The following RBM41 variants were observed in gnomAD, a reference collection of about 807,000 sequenced individuals.
RBM41 encodes RNA-binding protein 41.
In RBM41, 14 loss-of-function variants were observed where a neutral mutation model predicts 30.8. The ratio of observed to expected loss-of-function variants is 0.45; its 90% CI spans 0.30 to 0.71. The LOEUF (loss-of-function observed/expected upper bound fraction) is 0.71, where lower values mean the gene tolerates loss of function less well. Among genes scored for constraint, RBM41 ranks in the 30% least tolerant of loss-of-function variants. The pLI is 0.08. For synonymous variants in RBM41, 120 were observed against 110.1 expected (o/e 1.09, Z -0.56); for missense variants, 276 against 326.3 (o/e 0.85, Z 1.19).
intron 6 of RBM41, among the ~76,000 whole-genome samples, chrX:107,076,740 A>T (rs1436602619): frequency 9.0e-6 from 1 of 111,549 alleles, no homozygotes; most frequent in Non-Finnish European, 1.9e-5. Context: ...AAAAAAATGG[A>T]GGAGGAAAAA....
chrX:107,099,694 C>CGT (rs1164419926), intron 5 of RBM41, among the ~76,000 whole-genome samples: 3 of 96,843 alleles, frequency 3.1e-5, no homozygotes. Context: ...GAAAGGTACA[C>CGT]ACACACACAC....
intron 5 of RBM41, among the ~76,000 whole-genome samples, chrX:107,103,249 T>C (rs982174992): frequency 2.7e-5 from 3 of 111,185 alleles, no homozygotes; most frequent in Admixed American, 9.6e-5. Flanking sequence ...TATTTGGAAA[T>C]AGGGTCTTTG....
At chrX:107,106,003 A>C (rs1397704192) in intron 5 of RBM41, among the ~76,000 whole-genome samples, 24 of 111,700 alleles carry the variant, frequency 2.1e-4, no homozygotes, top group East Asian at 1.7e-3. Context: ...GCAACAAAAG[A>C]CAAAATTGAC....
intron 5 of RBM41, among the ~76,000 whole-genome samples, chrX:107,103,519 T>C: frequency 9.0e-6 from 1 of 111,021 alleles, no homozygotes. Flanking sequence ...ACACCTTTGA[T>C]TTTAGACTTC....
At chrX:107,080,587 GAAACAAAACAAAACAAAACA>G (rs200816405) in intron 6 of RBM41, among the ~76,000 whole-genome samples, 2 of 106,162 alleles carry the variant, frequency 1.9e-5, no homozygotes, top group African/African-American at 7.1e-5. Context: ...CTCAAAACAC[GAAACAAAACAAAACAAAACA>G]AAACAAAACA....
At chrX:107,087,806 G>C (rs1445665764) in intron 6 of RBM41, among the ~76,000 whole-genome samples, 1 of 111,877 alleles carries the variant, frequency 8.9e-6, no homozygotes, top group Non-Finnish European at 1.9e-5. Context: ...GTTTTACCAT[G>C]TTGGTCAGGC....
chrX:107,083,608 A>C (rs1921745741), intron 6 of RBM41, among the ~76,000 whole-genome samples: 1 of 108,229 alleles, frequency 9.2e-6, no homozygotes, highest in Non-Finnish European at 1.9e-5. Context: ...TTTCCTTTGT[A>C]TTTCAGCATG....
chrX:107,056,796 ATCT>A, the RBM41 span, among the ~76,000 whole-genome samples: 1 of 104,925 alleles, frequency 9.5e-6, no homozygotes, highest in Admixed American at 1.0e-4. Flanking sequence ...AATTTTGGTG[ATCT>A]TCTCAAATAA....
At chrX:107,061,436 C>G (rs1007803578), downstream of RBM41, among the ~76,000 whole-genome samples, 2 of 111,760 alleles carry the variant, frequency 1.8e-5, no homozygotes, top group South Asian at 7.3e-4. Context: ...TTTATATTTT[C>G]TTTTCAACAA....
intron 6 of RBM41, among the ~76,000 whole-genome samples, chrX:107,072,725 T>A (rs1178422995): frequency 8.9e-6 from 1 of 111,804 alleles, no homozygotes; most frequent in Admixed American, 9.5e-5. Context: ...GGAACTGCAC[T>A]ACCAGACTTC....
intron 6 of RBM41, among the ~76,000 whole-genome samples, chrX:107,086,611 C>A (rs952826705): frequency 8.9e-6 from 1 of 111,816 alleles, no homozygotes; most frequent in African/African-American, 3.2e-5. Flanking sequence ...ACAGTAATTA[C>A]CCTAACATAC....
chrX:107,055,735 G>A, the RBM41 span, among the ~76,000 whole-genome samples: 1 of 112,198 alleles, frequency 8.9e-6, no homozygotes, highest in African/African-American at 3.2e-5. Flanking sequence ...CATGTATGAG[G>A]GTTTGAATTC....
chrX:107,097,333 T>A (rs1433951743), intron 5 of RBM41, among the ~76,000 whole-genome samples: 1 of 111,966 alleles, frequency 8.9e-6, no homozygotes, highest in East Asian at 2.8e-4. Flanking sequence ...GTATATCTAT[T>A]GACATGGTTT....
At position 107,107,019 on chromosome X, in the gene RBM41, T is replaced by TA. The variant is rs1216955222; in HGVS notation, c.595+6377dup. ...ATGTACCCTAAAACTTAAAGTATAA[T>TA]AAAAAAAGAGGAAAATCTAAATGTA... On this transcript the variant is annotated intron_variant, in intron 5 of 7. Coordinates refer to ENST00000685964, the MANE Select transcript of RBM41 (RefSeq NM_001324242.2). Among the ~76,000 whole-genome samples the TA allele has an allele frequency of 5.4e-5, 6 of 111,332 alleles. No homozygotes were observed. The South Asian group carries it at 1.1e-3, about 21-fold the overall frequency.
intron 5 of RBM41, chrX:107,112,954 G>A: frequency 3.3e-6 from 1 of 303,891 alleles, no homozygotes; most frequent in South Asian, 3.2e-5. Context: ...TGATTGTGGT[G>A]GTGGTTACAT....
chrX:107,075,693 C>T (rs887368965), intron 6 of RBM41, among the ~76,000 whole-genome samples: 4 of 111,266 alleles, frequency 3.6e-5, no homozygotes, highest in African/African-American at 6.5e-5. Context: ...TACCACATAC[C>T]TGTTACAATG....
chrX:107,102,300 C>T (rs1289930892), intron 5 of RBM41, among the ~76,000 whole-genome samples: 3 of 110,985 alleles, frequency 2.7e-5, no homozygotes, highest in Admixed American at 9.6e-5. Flanking sequence ...CTCCCTGATG[C>T]TTATAATAAA....
chrX:107,105,265 A>G (rs1402022706), intron 5 of RBM41, among the ~76,000 whole-genome samples: 9 of 109,543 alleles, frequency 8.2e-5, no homozygotes, highest in Non-Finnish European at 1.1e-4. Flanking sequence ...ACTCCCATTC[A>G]CAATTGCTTC....
chrX:107,056,605 G>A, the RBM41 span, among the ~76,000 whole-genome samples: 8 of 111,585 alleles, frequency 7.2e-5, no homozygotes, highest in Non-Finnish European at 1.3e-4. Flanking sequence ...AATTTTGGTA[G>A]TTGTGTGTTT....
Sources: gnomAD v4.1 joint callset for allele counts (sites outside exome capture counted in the v4.1 genomes callset) on GRCh38, gnomAD v4.1.1 for gene constraint, MANE v1.5 for transcripts, NCBI Gene and HGNC (gene_info 2026-07-23, HGNC 2026-07-21) for gene names.